The following ATAD2B variants were observed in gnomAD, a reference collection of about 807,000 sequenced individuals.
ATAD2B encodes the protein ATPase family AAA domain containing 2B.
ATAD2B carries 40 observed loss-of-function variants against 167.6 expected under a neutral mutation model. The observed-to-expected ratio is 0.24, with a 90% CI of 0.19 to 0.31. The LOEUF is 0.31. Ranked by LOEUF, ATAD2B falls within the 10% of genes least tolerant of loss-of-function variation. The pLI is 1.00. For synonymous variants in ATAD2B, 579 were observed against 596.5 expected, an observed-to-expected ratio of 0.97 and a Z score of 0.43; for missense variants, 1,242 against 1,757.2, an observed-to-expected ratio of 0.71 and a Z score of 5.24.
chr2:23,727,707 C>T, the ATAD2B span, among the ~76,000 whole-genome samples: 2 of 152,116 alleles, frequency 1.3e-5, no homozygotes, highest in Non-Finnish European at 2.9e-5. Context: ...CTGGCATATC[C>T]ATACAATGGA....
At chr2:23,692,903 G>T in the ATAD2B span, among the ~76,000 whole-genome samples, 107 of 152,292 alleles carry the variant, frequency 7.0e-4, no homozygotes, top group African/African-American at 2.5e-3. Flanking sequence ...CATGGAAGAT[G>T]CTGTAAGCCT....
chr2:23,904,636 AAATG>A (rs1701263446), intron 1 of ATAD2B, among the ~76,000 whole-genome samples: 1 of 151,898 alleles, frequency 6.6e-6, no homozygotes, highest in Non-Finnish European at 1.5e-5. Flanking sequence ...AAGAGTAAGT[AAATG>A]ATGAGAGAAA....
chr2:23,780,386 T>TTACA (rs1484919187), intron 22 of ATAD2B, among the ~76,000 whole-genome samples: 1 of 151,686 alleles, frequency 6.6e-6, no homozygotes, highest in African/African-American at 2.4e-5. Flanking sequence ...TGAAAAACTG[T>TTACA]TACATAGGAA....
intron 17 of ATAD2B, 84 bp downstream of exon 17, chr2:23,819,663 C>A: frequency 1.8e-6 from 2 of 1,113,812 alleles, no homozygotes; most frequent in Non-Finnish European, 2.5e-6. Context: ...CAGTTATAAC[C>A]ATAAGTAAAA....
the ATAD2B span, chr2:23,706,475 C>G: frequency 1.3e-6 from 2 of 1,490,438 alleles, no homozygotes; most frequent in Admixed American, 2.2e-5. Context: ...CGCTTTCCCC[C>G]AACAGTGCTG....
the ATAD2B span, among the ~76,000 whole-genome samples, chr2:23,739,975 C>A: frequency 2.6e-5 from 4 of 152,206 alleles, no homozygotes; most frequent in Non-Finnish European, 5.9e-5. Context: ...TTCCTCGACA[C>A]ATACATCCTC....
chr2:23,770,890 T>C (rs1392284523), intron 22 of ATAD2B, among the ~76,000 whole-genome samples: 2 of 152,242 alleles, frequency 1.3e-5, no homozygotes, highest in Non-Finnish European at 2.9e-5. Flanking sequence ...GGAATTCTGA[T>C]AGGATGGTGT....
chr2:23,832,536 G>A (rs1662436441), intron 14 of ATAD2B: 1 of 171,866 alleles, frequency 5.8e-6, no homozygotes, highest in African/African-American at 2.4e-5. Context: ...CACATTTTAA[G>A]TGCTCAATAG....
the ATAD2B span, among the ~76,000 whole-genome samples, chr2:23,687,053 C>T: frequency 6.6e-6 from 1 of 152,162 alleles, no homozygotes; most frequent in Non-Finnish European, 1.5e-5. Flanking sequence ...TTTCAGTCCC[C>T]TTGGCATCCG....
intron 20 of ATAD2B, among the ~76,000 whole-genome samples, chr2:23,787,708 A>C (rs1681034650): frequency 6.6e-6 from 1 of 152,090 alleles, no homozygotes; most frequent in Non-Finnish European, 1.5e-5. Flanking sequence ...ATCCTACAAG[A>C]AGGGCTCTAA....
At chr2:23,754,958 C>T (rs1675784736) in intron 25 of ATAD2B, 184 bp from the exon 26 acceptor site, 2 of 523,438 alleles carry the variant, frequency 3.8e-6, no homozygotes, top group African/African-American at 3.9e-5. Context: ...ACTAAGTAAC[C>T]CAAATTAAAG....
chr2:23,810,233 A>G (rs1388337415), intron 18 of ATAD2B, 83 bp downstream of exon 18: 1 of 1,222,216 alleles, frequency 8.2e-7, no homozygotes, highest in South Asian at 1.8e-5. Flanking sequence ...AAAAAATCTT[A>G]TCTTTAACAC....
At chr2:23,744,129 G>A (rs1427552388), downstream of ATAD2B, among the ~76,000 whole-genome samples, 1 of 152,144 alleles carries the variant, frequency 6.6e-6, no homozygotes, top group Admixed American at 6.5e-5. Context: ...AGTGTGAAAC[G>A]TGTGGTGAGG....
chr2:23,690,314 A>C, the ATAD2B span: 1 of 152,176 alleles, frequency 6.6e-6, no homozygotes, highest in South Asian at 2.1e-4. Flanking sequence ...GCAGAAGAGG[A>C]GGCTGAGGGC....
intron 1 of ATAD2B, among the ~76,000 whole-genome samples, chr2:23,910,976 C>T (rs1487527933): frequency 1.3e-5 from 2 of 152,108 alleles, no homozygotes; most frequent in Admixed American, 6.5e-5. Context: ...CCTGTAATCC[C>T]AGCACTTTGG....
At chr2:23,682,843 G>A in the ATAD2B span, among the ~76,000 whole-genome samples, 1 of 152,176 alleles carries the variant, frequency 6.6e-6, no homozygotes, top group African/African-American at 2.4e-5. This position sits in a 1 kb window ranked among gnomAD's most constrained non-coding sequence, Gnocchi z 4.1. Flanking sequence ...ATGCTCTGCT[G>A]TGACTCCAGA....
At chr2:23,824,848 T>C (rs1351080392) in intron 15 of ATAD2B, among the ~76,000 whole-genome samples, 1 of 152,232 alleles carries the variant, frequency 6.6e-6, no homozygotes, top group Non-Finnish European at 1.5e-5. Context: ...AACTTGCATT[T>C]GGCCACAATT....
At chr2:23,865,390 A>G (rs1282856439) in intron 10 of ATAD2B, among the ~76,000 whole-genome samples, 1 of 152,066 alleles carries the variant, frequency 6.6e-6, no homozygotes, top group Non-Finnish European at 1.5e-5. Context: ...TTAGCTGGGC[A>G]TGGTGGCGCA....
intron 1 of ATAD2B, among the ~76,000 whole-genome samples, chr2:23,909,411 A>AATAT (rs144730746): frequency 6.7e-6 from 1 of 149,164 alleles, no homozygotes; most frequent in East Asian, 1.9e-4. Context: ...ATTGCCTCCA[A>AATAT]ATATATATAT....
Sources: gnomAD v4.1 joint callset for allele counts (sites outside exome capture counted in the v4.1 genomes callset) on GRCh38, gnomAD v4.1.1 for gene constraint, Gnocchi (gnomAD v3.1) non-coding constraint, MANE v1.5 for transcripts, NCBI Gene and HGNC (gene_info 2026-07-23, HGNC 2026-07-21) for gene names.